Variants in FAT3 observed in about 807,000 individuals in gnomAD.
FAT3 encodes the protein FAT atypical cadherin 3.
Under a neutral mutation model 310.2 loss-of-function variants are expected in FAT3, and 95 were observed. The observed-to-expected ratio is 0.31, with a 90% CI of 0.26 to 0.36. FAT3 has a LOEUF of 0.36. Among genes scored for constraint, FAT3 ranks in the 10% least tolerant of loss-of-function variants. FAT3 has a pLI of 1.00. For missense variants in FAT3, 5,408 were observed against 5,715.6 expected, an observed-to-expected ratio of 0.95 and a Z score of 1.74; for synonymous variants, 2,314 against 2,192.9, an observed-to-expected ratio of 1.06 and a Z score of -1.54.
intron 1 of FAT3, among the ~76,000 whole-genome samples, chr11:92,291,320 T>A (rs369825814): frequency 3.2e-4 from 48 of 152,246 alleles, no homozygotes; most frequent in African/African-American, 1.1e-3. Context: ...TCTCTCCTTC[T>A]TCCTTCGGTG....
At chr11:92,662,040 C>T (rs867253192) in intron 3 of FAT3, among the ~76,000 whole-genome samples, 9 of 152,172 alleles carry the variant, frequency 5.9e-5, no homozygotes, top group South Asian at 2.1e-4. Flanking sequence ...AATATTATTA[C>T]GACTGTTATT....
intron 7 of FAT3, among the ~76,000 whole-genome samples, chr11:92,779,823 C>T (rs917732233): frequency 5.3e-5 from 8 of 152,046 alleles, no homozygotes; most frequent in African/African-American, 1.7e-4. Context: ...AGAGAGGCAG[C>T]AAAAGGGTAA....
chr11:92,796,383 A>G (rs138576013), intron 9 of FAT3, among the ~76,000 whole-genome samples: 175 of 152,290 alleles, frequency 1.1e-3, no homozygotes, highest in African/African-American at 3.9e-3. Context: ...TATTAGATAT[A>G]CTTTGTCTTT....
intron 2 of FAT3, among the ~76,000 whole-genome samples, chr11:92,439,769 A>G (rs939256019): frequency 6.6e-6 from 1 of 152,008 alleles, no homozygotes. Context: ...TTCAAAAAGG[A>G]AAATTAGCCA....
chr11:92,753,245 A>G (rs73558312), intron 4 of FAT3, among the ~76,000 whole-genome samples: 4,382 of 152,248 alleles, frequency 0.029, 239 homozygotes, highest in African/African-American at 0.1. Flanking sequence ...GGTCCCAGCT[A>G]ATAGCCATCA....
chr11:92,392,941 G>A (rs185259993), intron 2 of FAT3, among the ~76,000 whole-genome samples: 26 of 152,238 alleles, frequency 1.7e-4, no homozygotes, highest in African/African-American at 5.3e-4. Flanking sequence ...TGGGAATCTG[G>A]CAGTGCCTCA....
chr11:92,375,671 T>C (rs1949322787), intron 2 of FAT3, among the ~76,000 whole-genome samples: 1 of 152,208 alleles, frequency 6.6e-6, no homozygotes, highest in African/African-American at 2.4e-5. Flanking sequence ...TTTAGCTGTA[T>C]TTATTACTGA....
chr11:92,311,881 CA>C (rs1369095256), intron 1 of FAT3, among the ~76,000 whole-genome samples: 1 of 152,056 alleles, frequency 6.6e-6, no homozygotes, highest in African/African-American at 2.4e-5. Flanking sequence ...ATCTTCTTTT[CA>C]AAATCAAAAG....
intron 3 of FAT3, among the ~76,000 whole-genome samples, chr11:92,696,864 C>A (rs925885051): frequency 2.2e-4 from 31 of 140,834 alleles, no homozygotes; most frequent in African/African-American, 7.7e-4. Flanking sequence ...AGTATGAAAT[C>A]TTTTGTGTGT....
chr11:92,718,577 A>G (rs1944760741), intron 4 of FAT3, among the ~76,000 whole-genome samples: 1 of 152,124 alleles, frequency 6.6e-6, no homozygotes, highest in African/African-American at 2.4e-5. Flanking sequence ...CTTTCTTACT[A>G]GTGTCTTCCT....
chr11:92,294,736 A>T (rs1946803393), intron 1 of FAT3, among the ~76,000 whole-genome samples: 1 of 150,338 alleles, frequency 6.7e-6, no homozygotes, highest in East Asian at 1.9e-4. Flanking sequence ...TTTGTAAACC[A>T]TGGAGATCCT....
intron 1 of FAT3, among the ~76,000 whole-genome samples, chr11:92,313,300 TTC>T (rs1296672703): frequency 6.6e-6 from 1 of 152,132 alleles, no homozygotes; most frequent in East Asian, 1.9e-4. Flanking sequence ...ACTACCAACT[TTC>T]TGTCTGATTT....
chr11:92,235,368 C>T lies in FAT3; in HGVS notation c.-18+10194C>T, dbSNP rs116843622. On this transcript the variant is annotated intron_variant, in intron 1 of 27. Coordinates refer to ENST00000525166, the MANE Select transcript of FAT3 (RefSeq NM_001367949.2). ...CACCTGACCTCTTATATGGTCTCTT[C>T]ATATCTCTGCACTCAGGTCCCCCTA... 4.1e-3 allele frequency among the ~76,000 whole-genome samples: 623 copies of T among 152,250 alleles called. 2 individuals are homozygous for T. Among genetic ancestry groups the T allele is most frequent in the Non-Finnish European group, 6.0e-3 (407 of 68,022 alleles).
chr11:92,786,583 A>G (rs1165439000), intron 7 of FAT3, among the ~76,000 whole-genome samples: 2 of 152,176 alleles, frequency 1.3e-5, no homozygotes, highest in East Asian at 3.8e-4. Context: ...TTGGCAAAAA[A>G]TCTAGAAGTC....
intron 2 of FAT3, among the ~76,000 whole-genome samples, chr11:92,375,411 GATT>G (rs1949313845): frequency 6.6e-6 from 1 of 152,166 alleles, no homozygotes; most frequent in East Asian, 1.9e-4. Context: ...AAATAGCTGA[GATT>G]ACAAGTGTCA....
intron 4 of FAT3, among the ~76,000 whole-genome samples, chr11:92,717,037 A>G (rs576426814): frequency 2.0e-5 from 3 of 152,294 alleles, no homozygotes; most frequent in Admixed American, 6.5e-5. Context: ...AGTATCCTCA[A>G]TTGTAAAATG....
At chr11:92,311,224 T>A (rs1947296720) in intron 1 of FAT3, among the ~76,000 whole-genome samples, 2 of 152,102 alleles carry the variant, frequency 1.3e-5, no homozygotes, top group African/African-American at 4.8e-5. Flanking sequence ...CCCATCACTA[T>A]GGAATTTATG....
intron 13 of FAT3, among the ~76,000 whole-genome samples, chr11:92,826,528 T>C (rs1948110315): frequency 6.6e-6 from 1 of 152,172 alleles, no homozygotes; most frequent in South Asian, 2.1e-4. Flanking sequence ...GGGCAGTGGA[T>C]CCATGAAGGT....
At chr11:92,481,277 A>T (rs1198585067) in intron 2 of FAT3, among the ~76,000 whole-genome samples, 3 of 151,602 alleles carry the variant, frequency 2.0e-5, no homozygotes, top group African/African-American at 7.3e-5. Flanking sequence ...AATTTGAAAA[A>T]TATGTTTCTA....
Sources: gnomAD v4.1 joint callset for allele counts (sites outside exome capture counted in the v4.1 genomes callset) on GRCh38, gnomAD v4.1.1 for gene constraint, MANE v1.5 for transcripts, NCBI Gene and HGNC (gene_info 2026-07-23, HGNC 2026-07-21) for gene names.